Variants in NTRK2 observed in about 807,000 individuals in gnomAD.
The protein encoded by NTRK2 is BDNF/NT-3 growth factors receptor.
A neutral mutation model predicts 94.5 loss-of-function variants in NTRK2; 13 were observed. The observed-to-expected ratio is 0.14, with a 90% CI of 0.09 to 0.22. The LOEUF is 0.22. NTRK2 is among the 10% of genes least tolerant of loss of function. NTRK2 has a pLI of 1.00. For synonymous variants in NTRK2, 372 were observed against 407.4 expected, an observed-to-expected ratio of 0.91 and a Z score of 1.05; for missense variants, 639 against 1,071.2, an observed-to-expected ratio of 0.60 and a Z score of 5.63.
intron 12 of NTRK2, among the ~76,000 whole-genome samples, chr9:84,818,203 A>G (rs1184278960): frequency 6.6e-6 from 1 of 152,208 alleles, no homozygotes; most frequent in Non-Finnish European, 1.5e-5. Flanking sequence ...CGAGCTAACA[A>G]GTTAACACTA....
intron 12 of NTRK2, among the ~76,000 whole-genome samples, chr9:84,839,609 G>C (rs1050870470): frequency 3.9e-5 from 6 of 152,302 alleles, no homozygotes; most frequent in Non-Finnish European, 8.8e-5. Flanking sequence ...GCGCGTACAG[G>C]CCATGTGCTG....
chr9:84,911,376 G>A (rs560837457), intron 14 of NTRK2, among the ~76,000 whole-genome samples: 1 of 152,186 alleles, frequency 6.6e-6, no homozygotes, highest in East Asian at 1.9e-4. Context: ...TAAATGTTTG[G>A]TAGAATTCTC....
intron 2 of NTRK2, among the ~76,000 whole-genome samples, chr9:84,695,073 A>AAAAC (rs1554694511): frequency 2.3e-3 from 309 of 133,648 alleles, no homozygotes; most frequent in African/African-American, 2.7e-3. Flanking sequence ...AAAAAAAAAA[A>AAAAC]ACACACAACA....
At chr9:84,702,599 T>A (rs1281656937) in intron 4 of NTRK2, among the ~76,000 whole-genome samples, 180 bp downstream of exon 4, 2 of 152,128 alleles carry the variant, frequency 1.3e-5, no homozygotes, top group Non-Finnish European at 2.9e-5. Flanking sequence ...TTCAGAGGGG[T>A]ACTTAGAACA....
chr9:84,917,390 C>T (rs949494191), intron 14 of NTRK2, among the ~76,000 whole-genome samples: 3 of 152,142 alleles, frequency 2.0e-5, no homozygotes, highest in African/African-American at 2.4e-5. Flanking sequence ...CCCATAAGCA[C>T]GTGTGCAGTG....
chr9:84,890,220 A>G (rs908737561), intron 14 of NTRK2, among the ~76,000 whole-genome samples: 3 of 152,140 alleles, frequency 2.0e-5, no homozygotes, highest in Non-Finnish European at 1.5e-5. Context: ...TAGGTCACTA[A>G]TAACTCAGGA....
intron 14 of NTRK2, among the ~76,000 whole-genome samples, chr9:84,920,486 C>T (rs2077528551): frequency 6.6e-6 from 1 of 152,150 alleles, no homozygotes; most frequent in African/African-American, 2.4e-5. Context: ...CTCCTTTGTG[C>T]TTAAGCTCTT....
intron 10 of NTRK2, 45 bp from the exon 11 acceptor site, chr9:84,744,928 A>T: frequency 7.4e-7 from 1 of 1,354,562 alleles, no homozygotes; most frequent in Non-Finnish European, 1.1e-6. Context: ...TGGCAGCTTA[A>T]TGACAACTTC....
At chr9:84,920,655 A>G in intron 14 of NTRK2, among the ~76,000 whole-genome samples, 1 of 152,196 alleles carries the variant, frequency 6.6e-6, no homozygotes, top group East Asian at 1.9e-4. Context: ...CATGGAAGCC[A>G]TGCCCCCATC....
At position 84,955,310 on chromosome 9, in the gene NTRK2, G is replaced by A. The variant is rs2132972410; in HGVS notation, c.1965G>A (p.Met655Ile). 6.2e-7 allele frequency: 1 copy of A among 1,608,600 alleles called. No individual in the cohort carries two copies. Among genetic ancestry groups the A allele is most frequent in the Non-Finnish European group, 8.5e-7 (1 of 1,177,474 alleles). The change falls in exon 17 of 19, where the codon ATG (methionine) becomes ATA (isoleucine). Residue 655 changes from methionine to isoleucine, a missense_variant. Around this residue, in one of 5 missense-constraint regions of NTRK2, gnomAD observed 343 missense variants for 571.5 expected, o/e 0.60. Transcript: ENST00000277120. Reference protein sequence around the residue: ...LRAHGPDAVLMAEGNPPTELT... With the variant: ...LRAHGPDAVLIAEGNPPTELT... ...CACACGGCCCTGATGCCGTGCTGATGGCTGAGGGCAACCCGCCCACGGAAC... is the reference window on the plus strand; with the variant it reads ...CACACGGCCCTGATGCCGTGCTGATAGCTGAGGGCAACCCGCCCACGGAAC...
At chr9:84,822,654 C>T (rs111279615) in intron 12 of NTRK2, among the ~76,000 whole-genome samples, 7 of 152,142 alleles carry the variant, frequency 4.6e-5, no homozygotes, top group African/African-American at 9.7e-5. Context: ...CCTCGACTGC[C>T]GTTCACTCTA....
At chr9:84,722,700 G>C (rs142055255) in intron 6 of NTRK2, among the ~76,000 whole-genome samples, 34 of 152,290 alleles carry the variant, frequency 2.2e-4, no homozygotes, top group Admixed American at 7.8e-4. Flanking sequence ...GTTTAAAGCA[G>C]TGTCCACACT....
In NTRK2 at chr9:84,710,548, G is replaced by T. The variant is rs78780075; in HGVS notation, c.429-89G>T. The T allele has an allele frequency of 1.1e-3, 1,517 of 1,381,480 alleles. 22 individuals are homozygous for T. The African/African-American group carries it at 0.019, about 17-fold the overall frequency. The allele number at this position is 1,381,480 out of a possible 1,614,324, so 85.6% of individuals were successfully genotyped here. On this transcript the variant is annotated intron_variant, in intron 5 of 18. Transcript: ENST00000277120. ...ACTTCCAAGCATTGCTGGCTAGAAA[G>T]AATTCATAATGTTGTAGTATTTTAC... is the stretch of plus-strand genomic sequence containing the variant.
chr9:84,860,186 T>A (rs2075265769), intron 12 of NTRK2, among the ~76,000 whole-genome samples: 1 of 152,234 alleles, frequency 6.6e-6, no homozygotes, highest in Admixed American at 6.5e-5. Flanking sequence ...TGGGGTCCAT[T>A]CCCTTTACCC....
intron 14 of NTRK2, chr9:84,872,546 T>A: frequency 9.4e-7 from 1 of 1,065,142 alleles, no homozygotes; most frequent in Non-Finnish European, 1.1e-6. Flanking sequence ...GAGCATGCCC[T>A]CTTCATGTGC....
intron 14 of NTRK2, chr9:84,872,294 GAAAC>G: frequency 9.0e-7 from 1 of 1,113,246 alleles, no homozygotes. Flanking sequence ...CTTCTGAGCT[GAAAC>G]AAACAAACAG....
chr9:84,701,821 C>G (rs1014395029), intron 2 of NTRK2, among the ~76,000 whole-genome samples: 12 of 152,116 alleles, frequency 7.9e-5, no homozygotes, highest in Admixed American at 7.9e-4. Context: ...AGTGGAAACA[C>G]CTTTGAGAGG....
intron 12 of NTRK2, among the ~76,000 whole-genome samples, chr9:84,809,561 CTAAT>C (rs2071517754): frequency 6.6e-6 from 1 of 151,146 alleles, no homozygotes; most frequent in South Asian, 2.1e-4. Flanking sequence ...AGTTAAGCAA[CTAAT>C]TAATTATTTT....
chr9:84,790,032 T>A (rs1231563565), intron 12 of NTRK2, among the ~76,000 whole-genome samples: 1 of 152,170 alleles, frequency 6.6e-6, no homozygotes, highest in Non-Finnish European at 1.5e-5. Flanking sequence ...TGGTATTGAC[T>A]GGTGATGAAG....
Sources: gnomAD v4.1 joint callset for allele counts (sites outside exome capture counted in the v4.1 genomes callset) on GRCh38, gnomAD v4.1.1 for gene constraint, gnomAD v4.1.1 regional missense constraint, MANE v1.5 for transcripts, NCBI Gene and HGNC (gene_info 2026-07-23, HGNC 2026-07-21) for gene names.